SEC14L1: variants seen among roughly 807,000 people sequenced by gnomAD.
The protein encoded by SEC14L1 is SEC14 like lipid binding 1, also known as SEC14-like protein 1.
In SEC14L1, 48 loss-of-function variants were observed where a neutral mutation model predicts 85.3. That is an observed-to-expected ratio of 0.56 (90% CI 0.45 to 0.72). SEC14L1 has a LOEUF of 0.72. Ranked by LOEUF, SEC14L1 falls within the 30% of genes least tolerant of loss-of-function variation. The probability of loss-of-function intolerance (pLI) is 0.00; values close to 1 mark genes in which losing one functional copy is unlikely to be tolerated. For synonymous variants in SEC14L1, 391 were observed against 355.5 expected, an observed-to-expected ratio of 1.10 and a Z score of -1.12; for missense variants, 682 against 921.4, an observed-to-expected ratio of 0.74 and a Z score of 3.36.
chr17:77,212,306 C>T, intron 15 of SEC14L1, 105 bp downstream of exon 15: 1 of 1,470,762 alleles, frequency 6.8e-7, no homozygotes, highest in Non-Finnish European at 9.2e-7. Context: ...CCCTGTGTAG[C>T]TTTTGAGGCC....
intron 5 of SEC14L1, among the ~76,000 whole-genome samples, chr17:77,192,071 A>G (rs1975570394): frequency 6.6e-6 from 1 of 152,186 alleles, no homozygotes; most frequent in South Asian, 2.1e-4. Flanking sequence ...CTGGGATTAC[A>G]GGCGTGAGCC....
intron 3 of SEC14L1, among the ~76,000 whole-genome samples, chr17:77,180,260 T>C (rs1300468698): frequency 6.6e-6 from 1 of 151,828 alleles, no homozygotes; most frequent in African/African-American, 2.4e-5. Flanking sequence ...CCTGCCACCA[T>C]GCCCAGCTGA....
At chr17:77,096,733 C>G (rs1363585719) in intron 3 of SEC14L1, among the ~76,000 whole-genome samples, 1 of 151,860 alleles carries the variant, frequency 6.6e-6, no homozygotes, top group Non-Finnish European at 1.5e-5. Context: ...CTTTTTTGTT[C>G]TGTTTTGATT....
intron 3 of SEC14L1, among the ~76,000 whole-genome samples, chr17:77,175,320 C>T (rs962439826): frequency 1.3e-5 from 2 of 152,200 alleles, no homozygotes; most frequent in African/African-American, 4.8e-5. Flanking sequence ...AAAGGTTGGG[C>T]TCAGAACAAA....
intron 10 of SEC14L1, among the ~76,000 whole-genome samples, chr17:77,204,366 C>G (rs552369720): frequency 1.3e-5 from 2 of 151,200 alleles, no homozygotes; most frequent in African/African-American, 4.9e-5. Flanking sequence ...TTCAGGCACC[C>G]GCCACCATGC....
chr17:77,099,160 G>A (rs2292852), intron 3 of SEC14L1: 47,405 of 152,044 alleles, frequency 0.31, 8,555 homozygotes, highest in East Asian at 0.52. Context: ...GCAATGCCAC[G>A]TTAGAACTAC....
chr17:77,104,106 CT>C (rs938922982), intron 3 of SEC14L1, among the ~76,000 whole-genome samples: 2 of 149,760 alleles, frequency 1.3e-5, no homozygotes, highest in African/African-American at 4.9e-5. Context: ...CCAAAGGACT[CT>C]TTTTTGTATT....
At position 77,206,672 on chromosome 17, in the gene SEC14L1, TC is replaced by T; in HGVS notation, c.1342-55del. 1.3e-6 allele frequency: 2 copies of T among 1,553,844 alleles called. No individual in the cohort carries two copies. Among genetic ancestry groups the T allele is most frequent in the Non-Finnish European group, 1.7e-6 (2 of 1,151,144 alleles). The stretch of plus-strand genomic sequence containing the variant: ...TCAGAATACCACATTGTCATTTTAA[TC>T]TTGGACACTCAGGCAGCAGAGAAAT... On this transcript the variant is annotated intron_variant, in intron 12 of 16. Coordinates refer to ENST00000436233, the MANE Select transcript of SEC14L1 (RefSeq NM_001143998.2). The surrounding 1 kb of genome is among the most constrained non-coding windows in gnomAD (Gnocchi z 4.3).
intron 3 of SEC14L1, among the ~76,000 whole-genome samples, chr17:77,110,896 AAAAG>A (rs1157208225): frequency 5.4e-5 from 8 of 147,050 alleles, no homozygotes; most frequent in Admixed American, 2.7e-4. Flanking sequence ...AAAAAAAAAA[AAAAG>A]AAATACATTG....
chr17:77,091,082 G>T (rs1365201005), intron 2 of SEC14L1, among the ~76,000 whole-genome samples: 7 of 152,004 alleles, frequency 4.6e-5, no homozygotes, highest in African/African-American at 2.4e-5. Flanking sequence ...GATTTTTGGG[G>T]TTTTTGTTTT....
rs1401992099 is a variant in SEC14L1, at chr17:77,214,255, A to G, written c.*232A>G. ...ATAGATTTTGTATACGTTGTGCACA[A>G]AATCCAACCAGAGCGCAAGGGCTCT... On this transcript the variant is annotated 3_prime_UTR_variant, in exon 17 of 17. Transcript: ENST00000436233. 2 of 1,332,716 alleles carry G rather than the reference A, an allele frequency of 1.5e-6. No homozygotes were observed. Among genetic ancestry groups the G allele is most frequent in the Non-Finnish European group, 1.9e-6 (2 of 1,043,124 alleles). 82.6% of individuals were successfully genotyped at this position (1,332,716 alleles called of 1,614,324 possible).
At chr17:77,100,888 TTTG>T (rs1023874698) in intron 3 of SEC14L1, among the ~76,000 whole-genome samples, 54 of 152,318 alleles carry the variant, frequency 3.5e-4, no homozygotes, top group African/African-American at 1.2e-3. Context: ...TGATTAAAGT[TTTG>T]TTACAATATT....
chr17:77,208,572 A>G (rs1405193504), intron 13 of SEC14L1, among the ~76,000 whole-genome samples: 1 of 152,116 alleles, frequency 6.6e-6, no homozygotes, highest in Non-Finnish European at 1.5e-5. Flanking sequence ...GTTGAGGCTG[A>G]TTGTTGAAAG....
intron 3 of SEC14L1, among the ~76,000 whole-genome samples, chr17:77,186,891 T>C (rs2143771648): frequency 6.6e-6 from 1 of 152,356 alleles, no homozygotes; most frequent in African/African-American, 2.4e-5. Flanking sequence ...TTTTCATTAA[T>C]ATTTTTAACA....
chr17:77,185,346 C>T lies in SEC14L1; in HGVS notation c.64-5457C>T, dbSNP rs1207059495. ...GCTTCTGAGTTAGCTGCTCCTTAGC[C>T]TGGATACCTTAAATGCCATCTGGTT... is the stretch of plus-strand genomic sequence containing the variant. On this transcript the variant is annotated intron_variant, in intron 3 of 16. Transcript: ENST00000436233. 3.0e-6 allele frequency: 3 copies of T among 985,336 alleles called. No individual in the cohort carries two copies. In the African/African-American group the frequency reaches 5.2e-5, roughly 17 times the overall value. The allele number at this position is 985,336 out of a possible 1,614,324, so 61.0% of individuals were successfully genotyped here.
intron 3 of SEC14L1, among the ~76,000 whole-genome samples, chr17:77,170,839 G>T (rs1974495419): frequency 6.6e-6 from 1 of 152,128 alleles, no homozygotes; most frequent in Non-Finnish European, 1.5e-5. Flanking sequence ...CTTTAATAAC[G>T]AGGGCAGTGA....
chr17:77,164,856 G>A (rs754097739), intron 3 of SEC14L1, among the ~76,000 whole-genome samples: 5 of 152,212 alleles, frequency 3.3e-5, no homozygotes, highest in Non-Finnish European at 7.3e-5. Flanking sequence ...CCTGAGAATA[G>A]TAGATGACCT....
chr17:77,214,147 C>T lies in SEC14L1; in HGVS notation c.*124C>T, dbSNP rs1232819977. On this transcript the variant is annotated 3_prime_UTR_variant, in exon 17 of 17. Coordinates refer to ENST00000436233, the MANE Select transcript of SEC14L1 (RefSeq NM_001143998.2). ...TCTCACCTCTAGATAGCAAATAGCT[C>T]TCAGATGGTAAACGTAGTCGTTTGA... 6.9e-7 allele frequency: 1 copy of T among 1,458,286 alleles called. No individual in the cohort carries two copies. Among genetic ancestry groups the T allele is most frequent in the Non-Finnish European group, 9.0e-7 (1 of 1,108,056 alleles). The allele number at this position is 1,458,286 out of a possible 1,614,324, so 90.3% of individuals were successfully genotyped here. A position where few individuals can be genotyped will look rare whatever the true frequency, so the allele number is the denominator to read the frequency against.
rs1302197971 is a variant in SEC14L1 at position 77,206,720 on chromosome 17, C to T, written c.1342-8C>T. 1.3e-6 allele frequency: 2 copies of T among 1,593,664 alleles called. No homozygotes were observed. Among genetic ancestry groups the T allele is most frequent in the East Asian group, 2.2e-5 (1 of 44,772 alleles). On this transcript the variant is annotated splice_region_variant and splice_polypyrimidine_tract_variant and intron_variant, in intron 12 of 16. Transcript: ENST00000436233. The surrounding 1 kb of genome is among the most constrained non-coding windows in gnomAD (Gnocchi z 4.3). ...AAATATGACTGCATGGTCTTCTCCT[C>T]CTCACAGGTTAGTCCGTTCATTGAT...
Sources: allele counts gnomAD v4.1 joint callset (sites outside exome capture counted in the v4.1 genomes callset), GRCh38; gene constraint gnomAD v4.1.1; non-coding constraint Gnocchi (gnomAD v3.1); transcripts MANE v1.5; gene names NCBI Gene and HGNC (gene_info 2026-07-23, HGNC 2026-07-21).